The following JAKMIP2 variants were observed in gnomAD, a reference collection of about 807,000 sequenced individuals.
The protein encoded by JAKMIP2 is janus kinase and microtubule-interacting protein 2.
In JAKMIP2, 25 loss-of-function variants were observed where a neutral mutation model predicts 115.0. That is an observed-to-expected ratio of 0.22 (90% confidence interval 0.16 to 0.30). JAKMIP2 has a LOEUF of 0.30. Among genes scored for constraint, JAKMIP2 ranks in the 10% least tolerant of loss-of-function variants. The probability of loss-of-function intolerance (pLI) is 1.00; values close to 1 mark genes in which losing one functional copy is unlikely to be tolerated. For synonymous variants in JAKMIP2, 334 were observed against 343.6 expected, an observed-to-expected ratio of 0.97 and a Z score of 0.31; for missense variants, 642 against 957.6, an observed-to-expected ratio of 0.67 and a Z score of 4.35.
chr5:147,592,607 T>G (rs1163351100), intron 21 of JAKMIP2, among the ~76,000 whole-genome samples: 1 of 152,210 alleles, frequency 6.6e-6, no homozygotes, highest in Non-Finnish European at 1.5e-5. Flanking sequence ...GGAATGGCCT[T>G]TAGGGTCTGA....
intron 21 of JAKMIP2, 83 bp downstream of exon 21, chr5:147,601,658 A>T: frequency 2.4e-6 from 2 of 816,536 alleles, no homozygotes; most frequent in Non-Finnish European, 3.7e-6. Context: ...AAAAAACTAA[A>T]GAAAGGCATA....
chr5:147,637,436 G>GTTTTTTTTTTTTTTTTTTTTT (rs1561506660), intron 10 of JAKMIP2, among the ~76,000 whole-genome samples: 1 of 74,040 alleles, frequency 1.4e-5, no homozygotes, highest in Non-Finnish European at 2.3e-5. Flanking sequence ...AAATTCTTTT[G>GTTTTTTTTTTTTTTTTTTTTT]ATTTTTTTTT....
chr5:147,714,239 T>A (rs1316793575), intron 1 of JAKMIP2, among the ~76,000 whole-genome samples: 2 of 152,116 alleles, frequency 1.3e-5, no homozygotes, highest in Non-Finnish European at 2.9e-5. Flanking sequence ...AAGTCATGCA[T>A]GAAAAATTTG....
At chr5:147,609,536 A>T (rs1177734726) in intron 20 of JAKMIP2, among the ~76,000 whole-genome samples, 1 of 152,194 alleles carries the variant, frequency 6.6e-6, no homozygotes, top group African/African-American at 2.4e-5. Flanking sequence ...GTTTCTGCTG[A>T]GAGATCCACT....
chr5:147,763,069 T>G (rs1754986753), intron 1 of JAKMIP2, among the ~76,000 whole-genome samples: 1 of 152,126 alleles, frequency 6.6e-6, no homozygotes, highest in Admixed American at 6.6e-5. Flanking sequence ...ACCTCTTGAC[T>G]GCCTATGACA....
chr5:147,621,467 T>C (rs1350331146), intron 17 of JAKMIP2, among the ~76,000 whole-genome samples: 1 of 152,206 alleles, frequency 6.6e-6, no homozygotes, highest in Non-Finnish European at 1.5e-5. Flanking sequence ...GTGTTGACTT[T>C]TGAGAGATCG....
intron 3 of JAKMIP2, among the ~76,000 whole-genome samples, chr5:147,657,019 C>G (rs1021518939): frequency 2.0e-5 from 3 of 152,166 alleles, no homozygotes; most frequent in Non-Finnish European, 4.4e-5. Flanking sequence ...GTGGCTCACA[C>G]CTGTAATCCC....
At chr5:147,678,645 T>C (rs981449497) in intron 1 of JAKMIP2, among the ~76,000 whole-genome samples, 1 of 152,176 alleles carries the variant, frequency 6.6e-6, no homozygotes, top group Non-Finnish European at 1.5e-5. Context: ...AATCAATTTA[T>C]AAGTATTTAC....
intron 20 of JAKMIP2, among the ~76,000 whole-genome samples, chr5:147,602,945 T>A (rs1452894506): frequency 6.6e-6 from 1 of 152,242 alleles, no homozygotes; most frequent in Non-Finnish European, 1.5e-5. Flanking sequence ...GCTAGTCTAT[T>A]ATTCTGAAAA....
chr5:147,759,734 A>G (rs977270019), intron 1 of JAKMIP2, among the ~76,000 whole-genome samples: 5 of 152,106 alleles, frequency 3.3e-5, no homozygotes, highest in African/African-American at 1.2e-4. Context: ...TGTCTGATTA[A>G]CAGGAAGAGG....
intron 6 of JAKMIP2, 58 bp from the exon 7 acceptor site, chr5:147,644,256 G>T: frequency 7.0e-7 from 1 of 1,421,070 alleles, no homozygotes; most frequent in Non-Finnish European, 9.4e-7. Flanking sequence ...AACTTTGGTT[G>T]TTAACATAAA....
At chr5:147,605,845 A>G (rs189387981) in intron 20 of JAKMIP2, among the ~76,000 whole-genome samples, 320 of 152,100 alleles carry the variant, frequency 2.1e-3, no homozygotes, top group African/African-American at 7.3e-3. Context: ...TCCAGCATCT[A>G]TTGTTTCCTG....
At chr5:147,605,961 T>C (rs1377736954) in intron 20 of JAKMIP2, among the ~76,000 whole-genome samples, 4 of 152,232 alleles carry the variant, frequency 2.6e-5, no homozygotes, top group Non-Finnish European at 5.9e-5. Context: ...TTCATGTTTG[T>C]TGGCTGCATT....
At chr5:147,749,378 A>AAGAAACTTTGCTTTAG (rs1754469127) in intron 1 of JAKMIP2, among the ~76,000 whole-genome samples, 1 of 152,198 alleles carries the variant, frequency 6.6e-6, no homozygotes, top group Non-Finnish European at 1.5e-5. Context: ...TTTATAGAGG[A>AAGAAACTTTGCTTTAG]AGAAACTTTG....
rs750346564 is a variant in JAKMIP2 at position 147,641,760 on chromosome 5, C to T, written c.1229G>A (p.Arg410Gln). 3.7e-6 allele frequency: 6 copies of T among 1,612,656 alleles called. No homozygotes were observed. The highest frequency in any genetic ancestry group is 1.1e-5 in the South Asian group (1 of 91,020). ...CTTTCTTCTACGGATGAGCTTTTCT[C>T]GGTCCTGGAAAACAGATGAAAGATT... ...QNIIDELTRD[R>Q]EKLIRRRKHR... The change falls in exon 8 of 22, where the codon CGA becomes CAA. Residue 410 changes from arginine to glutamine, a missense_variant. This residue lies in a region of JAKMIP2 where 439 missense variants were observed against 570.9 expected (regional missense o/e 0.77). Coordinates refer to ENST00000616793, the MANE Select transcript of JAKMIP2 (RefSeq NM_001270941.2).
At chr5:147,644,031 A>G in intron 7 of JAKMIP2, 27 bp downstream of exon 7, 1 of 1,510,324 alleles carries the variant, frequency 6.6e-7, no homozygotes, top group Non-Finnish European at 8.9e-7. Flanking sequence ...GGAACAACTT[A>G]GGGTTTACAG....
rs150240686 is a variant in JAKMIP2 at position 147,771,722 on chromosome 5, G to A, written c.-149+10734C>T. The stretch of plus-strand genomic sequence containing the variant: ...GACAGGGAACTGTAGTGCTACTTAT[G>A]TTTCTCCTGTAATTGTTACATGCAT... On this transcript the variant is annotated intron_variant, in intron 1 of 21. Coordinates refer to ENST00000616793, the MANE Select transcript of JAKMIP2 (RefSeq NM_001270941.2). Among the ~76,000 whole-genome samples, 378 of 152,050 alleles carry A rather than the reference G, an allele frequency of 2.5e-3. 1 individual carries two copies. The highest frequency in any genetic ancestry group is 8.3e-3 in the African/African-American group (343 of 41,492).
intron 1 of JAKMIP2, among the ~76,000 whole-genome samples, chr5:147,742,873 A>AG (rs926943139): frequency 6.6e-6 from 1 of 152,168 alleles, no homozygotes; most frequent in African/African-American, 2.4e-5. Context: ...GACTTAAAAA[A>AG]AAAGTCTAGC....
intron 1 of JAKMIP2, among the ~76,000 whole-genome samples, chr5:147,717,742 T>G (rs1214027045): frequency 6.8e-6 from 1 of 147,412 alleles, no homozygotes; most frequent in Admixed American, 6.8e-5. Flanking sequence ...TAAGGAGATT[T>G]TGGGCTGAGA....
Sources: allele counts gnomAD v4.1 joint callset (sites outside exome capture counted in the v4.1 genomes callset), GRCh38; gene constraint gnomAD v4.1.1; regional missense constraint gnomAD v4.1.1; transcripts MANE v1.5; gene names NCBI Gene and HGNC (gene_info 2026-07-23, HGNC 2026-07-21).